The following NBEA variants were observed in gnomAD, a reference collection of about 807,000 sequenced individuals.
NBEA encodes lysosomal-trafficking regulator 2.
NBEA carries 44 observed loss-of-function variants against 343.4 expected under a neutral mutation model. The ratio of observed to expected loss-of-function variants is 0.13; its 90% CI spans 0.10 to 0.16. NBEA has a LOEUF of 0.16. Among genes scored for constraint, NBEA ranks in the 10% least tolerant of loss-of-function variants. The pLI is 1.00. For synonymous variants in NBEA, 1,175 were observed against 1,238.7 expected (o/e 0.95, Z 1.08); for missense variants, 2,555 against 3,631.3 (o/e 0.70, Z 7.62).
intron 35 of NBEA, among the ~76,000 whole-genome samples, chr13:35,292,188 A>G (rs1489235928): frequency 6.6e-6 from 1 of 151,966 alleles, no homozygotes; most frequent in African/African-American, 2.4e-5. Context: ...AAGCTTCTAG[A>G]ACTATCTTTG....
chr13:35,270,157 T>C (rs1031079677), intron 34 of NBEA, among the ~76,000 whole-genome samples: 1 of 152,214 alleles, frequency 6.6e-6, no homozygotes, highest in African/African-American at 2.4e-5. Context: ...TTACTAAATG[T>C]AGAAGTTGAC....
intron 17 of NBEA, among the ~76,000 whole-genome samples, chr13:35,127,190 C>T (rs2067179641): frequency 6.6e-6 from 1 of 152,114 alleles, no homozygotes; most frequent in Non-Finnish European, 1.5e-5. Flanking sequence ...TGGCTTTAGA[C>T]TCTAAAATAA....
At chr13:35,564,675 T>G (rs940382926) in intron 44 of NBEA, among the ~76,000 whole-genome samples, 5 of 152,218 alleles carry the variant, frequency 3.3e-5, no homozygotes, top group African/African-American at 1.2e-4. Flanking sequence ...ATCATTAGTA[T>G]TATTCACCAT....
chr13:35,497,404 A>G (rs779262443), intron 41 of NBEA, among the ~76,000 whole-genome samples: 3 of 152,114 alleles, frequency 2.0e-5, no homozygotes, highest in Non-Finnish European at 4.4e-5. Flanking sequence ...TTCATTTGCT[A>G]TATTCTCTCA....
intron 38 of NBEA, among the ~76,000 whole-genome samples, chr13:35,363,731 G>T (rs1164646357): frequency 6.6e-6 from 1 of 151,868 alleles, no homozygotes; most frequent in Non-Finnish European, 1.5e-5. Context: ...CGATTCGAAG[G>T]TACTATATAA....
At chr13:35,598,956 A>G (rs142732143) in intron 47 of NBEA, among the ~76,000 whole-genome samples, 15 of 152,166 alleles carry the variant, frequency 9.9e-5, no homozygotes, top group African/African-American at 3.6e-4. Flanking sequence ...TCTCTCTTGC[A>G]TAGCTTATCT....
At chr13:35,251,602 G>A in intron 34 of NBEA, 1 of 1,224,942 alleles carries the variant, frequency 8.2e-7, no homozygotes, top group Non-Finnish European at 1.0e-6. Context: ...CAAACAGGTA[G>A]CTCAGCGGGA....
intron 58 of NBEA, among the ~76,000 whole-genome samples, chr13:35,669,901 A>G (rs1005510173): frequency 5.9e-5 from 9 of 152,220 alleles, no homozygotes; most frequent in African/African-American, 2.2e-4. Context: ...AGACCTTAGA[A>G]GAGGCTCATC....
intron 36 of NBEA, among the ~76,000 whole-genome samples, chr13:35,316,374 T>G (rs2037718896): frequency 6.6e-6 from 1 of 152,182 alleles, no homozygotes; most frequent in Non-Finnish European, 1.5e-5. Context: ...TTTCTGTTCC[T>G]GTGTTAGTTT....
intron 16 of NBEA, 37 bp downstream of exon 16, chr13:35,118,511 A>C: frequency 7.0e-7 from 1 of 1,433,224 alleles, no homozygotes; most frequent in Non-Finnish European, 9.6e-7. Context: ...TTAGACTTTA[A>C]TGGAGCACAG....
intron 34 of NBEA, among the ~76,000 whole-genome samples, chr13:35,239,813 T>C (rs2029898465): frequency 6.6e-6 from 1 of 151,564 alleles, no homozygotes; most frequent in Admixed American, 6.6e-5. Context: ...CATTTGCCAA[T>C]GAAAGAAACT....
intron 1 of NBEA, among the ~76,000 whole-genome samples, chr13:34,980,626 T>C (rs1439642458): frequency 6.6e-6 from 1 of 152,098 alleles, no homozygotes; most frequent in African/African-American, 2.4e-5. Flanking sequence ...GGTACCCTTA[T>C]ATTTAATACA....
chr13:35,255,186 G>T (rs1041633448), intron 34 of NBEA, among the ~76,000 whole-genome samples: 1 of 152,202 alleles, frequency 6.6e-6, no homozygotes, highest in Admixed American at 6.5e-5. Flanking sequence ...CCCACTGAAT[G>T]GTTATACTTA....
chr13:35,372,342 T>A (rs2041481217), intron 38 of NBEA, among the ~76,000 whole-genome samples: 1 of 152,036 alleles, frequency 6.6e-6, no homozygotes, highest in African/African-American at 2.4e-5. Flanking sequence ...AGTGGCAAAT[T>A]GGGTGGGCCC....
At chr13:35,191,772 A>G (rs565575439) in intron 30 of NBEA, among the ~76,000 whole-genome samples, 53 of 152,156 alleles carry the variant, frequency 3.5e-4, no homozygotes, top group African/African-American at 1.3e-3. Context: ...AAGGTGCTGT[A>G]TGTTTCTTTC....
chr13:35,229,872 A>T (rs970248832), intron 33 of NBEA, among the ~76,000 whole-genome samples: 2 of 152,152 alleles, frequency 1.3e-5, no homozygotes, highest in Admixed American at 1.3e-4. Flanking sequence ...GGGAATCTGT[A>T]AAAAGCAACA....
intron 40 of NBEA, among the ~76,000 whole-genome samples, chr13:35,456,628 T>C (rs2046593454): frequency 6.6e-6 from 1 of 152,060 alleles, no homozygotes. Flanking sequence ...AAATAACTAT[T>C]GAGTAACTGA....
chr13:35,654,398 C>T (rs545709720), intron 53 of NBEA, among the ~76,000 whole-genome samples: 1 of 152,288 alleles, frequency 6.6e-6, no homozygotes, highest in South Asian at 2.1e-4. Flanking sequence ...AAATCTCTAC[C>T]CTCCTTTTTC....
At chr13:34,966,766 A>G (rs2059833993) in intron 1 of NBEA, among the ~76,000 whole-genome samples, 1 of 151,808 alleles carries the variant, frequency 6.6e-6, no homozygotes, top group African/African-American at 2.4e-5. Context: ...AATTCTATAT[A>G]TAACAGATCA....
Sources: gnomAD v4.1 joint callset for allele counts (sites outside exome capture counted in the v4.1 genomes callset) on GRCh38, gnomAD v4.1.1 for gene constraint, MANE v1.5 for transcripts, NCBI Gene and HGNC (gene_info 2026-07-23, HGNC 2026-07-21) for gene names.